PLXDC2: variants seen among roughly 807,000 people sequenced by gnomAD.
PLXDC2 encodes plexin domain-containing protein 2.
Under a neutral mutation model 68.9 loss-of-function variants are expected in PLXDC2, and 40 were observed. The observed-to-expected ratio is 0.58, with a 90% confidence interval of 0.45 to 0.76. The LOEUF (loss-of-function observed/expected upper bound fraction) is 0.76, where lower values mean the gene tolerates loss of function less well. Among genes scored for constraint, PLXDC2 ranks in the 30% least tolerant of loss-of-function variants. The pLI is 0.00. For missense variants in PLXDC2, 644 were observed against 661.9 expected, an observed-to-expected ratio of 0.97 and a Z score of 0.30; for synonymous variants, 243 against 234.2, an observed-to-expected ratio of 1.04 and a Z score of -0.34.
chr10:19,983,774 TC>T (rs1834592364), intron 1 of PLXDC2, among the ~76,000 whole-genome samples: 1 of 152,248 alleles, frequency 6.6e-6, no homozygotes, highest in East Asian at 1.9e-4. Context: ...ACCAGGAGGC[TC>T]GTCCGAAATG....
Position 20,287,393 on chromosome 10 carries a change from C to A in PLXDC2, c.*7574C>A, listed in dbSNP as rs1836170436. 6.6e-6 allele frequency: 1 copy of A among 152,112 alleles called. No homozygotes were observed. The allele number at this position is 152,112 out of a possible 1,614,324, so 9.4% of individuals were successfully genotyped here. A position where few individuals can be genotyped will look rare whatever the true frequency, so the allele number is the denominator to read the frequency against. On this transcript the variant is annotated 3_prime_UTR_variant, in exon 14 of 14. Coordinates refer to ENST00000377252, the MANE Select transcript of PLXDC2 (RefSeq NM_032812.9). ...TTCCTGAGGAAAGGTTAAGAGATGG[C>A]ACTTTCCTTTCCGGGCCCAGAGCTG...
intron 13 of PLXDC2, among the ~76,000 whole-genome samples, chr10:20,256,681 A>C (rs1185058030): frequency 6.8e-6 from 1 of 147,672 alleles, no homozygotes; most frequent in African/African-American, 2.5e-5. Flanking sequence ...TTTTTTTCTC[A>C]GTTTTTCCCT....
In PLXDC2 at chr10:20,142,458, G is replaced by A. The variant is rs1405642047; in HGVS notation, c.542-837G>A. Among the ~76,000 whole-genome samples, 4 of 152,050 alleles carry A rather than the reference G, an allele frequency of 2.6e-5. No individual in the cohort carries two copies. In the East Asian group the frequency reaches 5.8e-4, roughly 22 times the overall value. ...CAGCTAAAGACCTTGAAAGCAAGAA[G>A]CCAGCACAGGATTAACAATTTGTCA... On this transcript the variant is annotated intron_variant, in intron 4 of 13. Coordinates refer to ENST00000377252, the MANE Select transcript of PLXDC2 (RefSeq NM_032812.9).
intron 1 of PLXDC2, among the ~76,000 whole-genome samples, chr10:19,866,520 A>C (rs1283185256): frequency 2.6e-5 from 4 of 152,186 alleles, no homozygotes; most frequent in African/African-American, 9.7e-5. Flanking sequence ...TAGTCTCCCT[A>C]TCTTAAAGTC....
intron 1 of PLXDC2, among the ~76,000 whole-genome samples, chr10:19,992,408 T>A (rs990063425): frequency 9.9e-5 from 15 of 152,200 alleles, no homozygotes; most frequent in African/African-American, 2.7e-4. Flanking sequence ...AATGCTCTTT[T>A]CCTATTCATA....
At chr10:20,169,300 C>T (rs546202612) in intron 7 of PLXDC2, among the ~76,000 whole-genome samples, 88 of 152,262 alleles carry the variant, frequency 5.8e-4, no homozygotes, top group Non-Finnish European at 1.1e-3. Flanking sequence ...TATCCCATTT[C>T]CCAAAGAGCT....
At chr10:20,203,198 T>C (rs1020126694) in intron 9 of PLXDC2, among the ~76,000 whole-genome samples, 2 of 152,170 alleles carry the variant, frequency 1.3e-5, no homozygotes, top group Non-Finnish European at 2.9e-5. Context: ...ATTTTCCTTG[T>C]TGGAAATTTT....
intron 6 of PLXDC2, among the ~76,000 whole-genome samples, chr10:20,158,501 C>CAAAAAAAAA (rs59079629): frequency 1.5e-3 from 180 of 118,684 alleles, no homozygotes; most frequent in African/African-American, 4.6e-3. Flanking sequence ...TCTGTCTCTG[C>CAAAAAAAAA]AAAAAAAAAA....
chr10:19,865,797 T>G (rs547344265), intron 1 of PLXDC2, among the ~76,000 whole-genome samples: 10 of 152,334 alleles, frequency 6.6e-5, no homozygotes, highest in African/African-American at 2.4e-4. Flanking sequence ...CAGATTTCTG[T>G]AAGCTCTCTT....
intron 7 of PLXDC2, 31 bp from the exon 8 acceptor site, chr10:20,176,968 A>T: frequency 6.7e-7 from 1 of 1,497,436 alleles, no homozygotes; most frequent in Non-Finnish European, 9.2e-7. Context: ...AGGAAAGGTT[A>T]AAAATTGATT....
chr10:20,067,687 CAAAAA>C (rs776006903), intron 3 of PLXDC2, among the ~76,000 whole-genome samples: 1 of 78,800 alleles, frequency 1.3e-5, no homozygotes. Flanking sequence ...AACTCCGACT[CAAAAA>C]AAAAAAAAAA....
At chr10:19,935,327 G>A (rs1227621705) in intron 1 of PLXDC2, among the ~76,000 whole-genome samples, 1 of 152,218 alleles carries the variant, frequency 6.6e-6, no homozygotes, top group African/African-American at 2.4e-5. Context: ...CCTGACAGCT[G>A]ACAGGTGGTG....
At chr10:20,063,259 C>A (rs561082803) in intron 3 of PLXDC2, among the ~76,000 whole-genome samples, 4 of 152,264 alleles carry the variant, frequency 2.6e-5, no homozygotes, top group African/African-American at 9.6e-5. Flanking sequence ...ACGGTGACTA[C>A]TAATTTTCTT....
chr10:19,947,310 T>A (rs1270524141), intron 1 of PLXDC2, among the ~76,000 whole-genome samples: 1 of 152,178 alleles, frequency 6.6e-6, no homozygotes, highest in Non-Finnish European at 1.5e-5. Flanking sequence ...TCTGCGTTAG[T>A]GGTAACTTGT....
intron 1 of PLXDC2, among the ~76,000 whole-genome samples, chr10:19,918,047 A>G (rs1833400104): frequency 6.6e-6 from 1 of 152,190 alleles, no homozygotes; most frequent in South Asian, 2.1e-4. Context: ...TGCATTCAGC[A>G]GTTTTGGACT....
chr10:20,051,253 G>T (rs1301571698), intron 3 of PLXDC2, among the ~76,000 whole-genome samples: 1 of 151,704 alleles, frequency 6.6e-6, no homozygotes, highest in Non-Finnish European at 1.5e-5. Context: ...GGTAGGAGGA[G>T]GCAGAGGAGC....
intron 1 of PLXDC2, among the ~76,000 whole-genome samples, chr10:19,928,196 G>C (rs964146748): frequency 2.6e-5 from 4 of 152,150 alleles, no homozygotes; most frequent in African/African-American, 9.7e-5. Context: ...CTCATTGGTT[G>C]ATGGGCACTT....
At chr10:19,912,209 T>C (rs1046055574) in intron 1 of PLXDC2, among the ~76,000 whole-genome samples, 52 of 152,184 alleles carry the variant, frequency 3.4e-4, no homozygotes, top group African/African-American at 1.2e-3. Flanking sequence ...CTTAGTGGGT[T>C]TTTTTTGCCT....
chr10:19,891,011 C>T (rs1837949828), intron 1 of PLXDC2, among the ~76,000 whole-genome samples: 1 of 152,058 alleles, frequency 6.6e-6, no homozygotes, highest in Non-Finnish European at 1.5e-5. Flanking sequence ...CATGTAGGGT[C>T]TAACTTCTGA....
Sources: gnomAD v4.1 joint callset for allele counts (sites outside exome capture counted in the v4.1 genomes callset) on GRCh38, gnomAD v4.1.1 for gene constraint, MANE v1.5 for transcripts, NCBI Gene and HGNC (gene_info 2026-07-23, HGNC 2026-07-21) for gene names.